Variants in HSD17B7 observed in about 807,000 individuals in gnomAD.
The protein encoded by HSD17B7 is hydroxysteroid 17-beta dehydrogenase 7, also known as 3-keto-steroid reductase/17-beta-hydroxysteroid dehydrogenase 7.
Under a neutral mutation model 34.1 loss-of-function variants are expected in HSD17B7, and 17 were observed. That is an observed-to-expected ratio of 0.50 (90% CI 0.34 to 0.75). HSD17B7 has a LOEUF of 0.75. Ranked by LOEUF, HSD17B7 falls within the 30% of genes least tolerant of loss-of-function variation. The probability of loss-of-function intolerance (pLI) is 0.01; values close to 1 mark genes in which losing one functional copy is unlikely to be tolerated. For missense variants in HSD17B7, 296 were observed against 406.6 expected, an observed-to-expected ratio of 0.73 and a Z score of 2.34; for synonymous variants, 122 against 154.6, an observed-to-expected ratio of 0.79 and a Z score of 1.56.
At chr1:162,810,817 C>A (rs1316535601) in intron 8 of HSD17B7, among the ~76,000 whole-genome samples, 6 of 152,144 alleles carry the variant, frequency 3.9e-5, no homozygotes, top group Non-Finnish European at 8.8e-5. Context: ...TTCCCTCCAT[C>A]CCTTTATTTT....
At chr1:162,801,681 G>A (rs528247937) in intron 5 of HSD17B7, among the ~76,000 whole-genome samples, 1 of 152,222 alleles carries the variant, frequency 6.6e-6, no homozygotes, top group South Asian at 2.1e-4. Flanking sequence ...CAGTGCATGT[G>A]GGCTGCACAT....
chr1:162,795,968 C>T (rs1570998647), intron 2 of HSD17B7, among the ~76,000 whole-genome samples: 1 of 152,132 alleles, frequency 6.6e-6, no homozygotes, highest in South Asian at 2.1e-4. Context: ...AACAAGATTA[C>T]CTTACCCCCA....
In HSD17B7 at chr1:162,804,294, T is replaced by C; in HGVS notation, c.775T>C (p.Leu259=). 6.2e-7 allele frequency: 1 copy of C among 1,609,344 alleles called. No homozygotes were observed. Among genetic ancestry groups the C allele is most frequent in the East Asian group, 2.2e-5 (1 of 44,838 alleles). ...LLRFFANAFT[L]TPYNGTEALV... ...TCGCTTTTTTGCAAATGCATTCACT[T>C]TGACACCATATAATGGAACAGAAGC... Residue 259 remains leucine, a synonymous_variant, in exon 7 of 9, where the codon TTG becomes CTG. Coordinates refer to ENST00000254521, the MANE Select transcript of HSD17B7 (RefSeq NM_016371.4).
At chr1:162,792,609 C>G in intron 1 of HSD17B7, 50 bp from the exon 2 acceptor site, 1 of 1,578,124 alleles carries the variant, frequency 6.3e-7, no homozygotes, top group South Asian at 1.2e-5. Flanking sequence ...ATGCCTGTAC[C>G]TGATGCCATC....
chr1:162,792,878 A>C lies in HSD17B7; in HGVS notation c.239+16A>C, dbSNP rs1192652507. 2.5e-6 allele frequency: 4 copies of C among 1,613,132 alleles called. No individual in the cohort carries two copies. The highest frequency in any genetic ancestry group is 3.4e-6 in the Non-Finnish European group (4 of 1,179,106). On this transcript the variant is annotated intron_variant, in intron 2 of 8. Coordinates refer to ENST00000254521, the MANE Select transcript of HSD17B7 (RefSeq NM_016371.4). ...TTAAGCAAAGGTATATCTCTTGCTG[A>C]TGGATTTTTTTTCTCATGTGATTGT... is the stretch of plus-strand genomic sequence containing the variant.
intron 8 of HSD17B7, among the ~76,000 whole-genome samples, chr1:162,811,685 C>A (rs1159406300): frequency 6.6e-6 from 1 of 152,248 alleles, no homozygotes; most frequent in African/African-American, 2.4e-5. Flanking sequence ...AAGTTCCTTG[C>A]AATCACCACC....
chr1:162,804,945 G>A (rs1387619070), intron 7 of HSD17B7, among the ~76,000 whole-genome samples: 1 of 152,192 alleles, frequency 6.6e-6, no homozygotes, highest in Non-Finnish European at 1.5e-5. Flanking sequence ...TAACGGTTCA[G>A]AATTGTCCTA....
intron 8 of HSD17B7, among the ~76,000 whole-genome samples, chr1:162,810,545 T>TG (rs1649141285): frequency 6.6e-6 from 1 of 152,156 alleles, no homozygotes; most frequent in South Asian, 2.1e-4. Flanking sequence ...ATGTGGACAG[T>TG]GGGGTGTTAA....
At position 162,805,909 on chromosome 1, in the gene HSD17B7, A is replaced by G. The variant is rs188540576; in HGVS notation, c.903+417A>G. Among the ~76,000 whole-genome samples the G allele has an allele frequency of 6.6e-5, 10 of 152,288 alleles. No individual in the cohort carries two copies. The East Asian group carries it at 1.7e-3, about 26-fold the overall frequency. ...CATTTCCTAGCAGGCTGCCTTACAC[A>G]TGGTAGACGCTCAGTAAATACGTTG... On this transcript the variant is annotated intron_variant, in intron 8 of 8. Coordinates refer to ENST00000254521, the MANE Select transcript of HSD17B7 (RefSeq NM_016371.4).
chr1:162,799,785 T>C lies in HSD17B7; in HGVS notation c.490T>C (p.Ser164Pro). 1 of 1,613,928 alleles carries C rather than the reference T, an allele frequency of 6.2e-7. No individual in the cohort carries two copies. Among genetic ancestry groups the C allele is most frequent in the Non-Finnish European group, 8.5e-7 (1 of 1,179,862 alleles). The change falls in exon 5 of 9, where the codon TCT becomes CCT. Residue 164 changes from serine (S) to proline (P), a missense_variant. Transcript: ENST00000254521. ...EPLLCHSDNP[S>P]QLIWTSSRSA... ...TCTCCTCTGTCACAGTGACAATCCA[T>C]CTCAGCTCATCTGGACATCATCTCG...
rs1459392474 is a variant in HSD17B7, at chr1:162,812,675, CA to C, written c.*259del. The stretch of plus-strand genomic sequence containing the variant: ...CCTGGGTGACAGCGAGACCCTGTCT[CA>C]AAATATGTATATATTTAATATATAT... On this transcript the variant is annotated 3_prime_UTR_variant, in exon 9 of 9. Coordinates refer to ENST00000254521, the MANE Select transcript of HSD17B7 (RefSeq NM_016371.4). 4.1e-6 allele frequency: 1 copy of C among 246,562 alleles called. No individual in the cohort carries two copies. The highest frequency in any genetic ancestry group is 7.8e-6 in the Non-Finnish European group (1 of 128,004). The allele number at this position is 246,562 out of a possible 1,614,324, so 15.3% of individuals were successfully genotyped here.
rs1648683236 is a variant in HSD17B7 at position 162,798,172 on chromosome 1, G to T, written c.447+256G>T. On this transcript the variant is annotated intron_variant, in intron 4 of 8. Transcript: ENST00000254521. ...TGCAAAGATAGTACAGAGACTTTCT[G>T]TATGCCCTACACCCAGTTTCCCCAT... is the stretch of plus-strand genomic sequence containing the variant. 8.8e-6 allele frequency: 5 copies of T among 566,602 alleles called. No individual in the cohort carries two copies. In the South Asian group the frequency reaches 1.6e-4, roughly 18 times the overall value. 35.1% of individuals were successfully genotyped at this position (566,602 alleles called of 1,614,324 possible).
intron 1 of HSD17B7, among the ~76,000 whole-genome samples, chr1:162,791,921 T>C (rs1320893414): frequency 1.3e-5 from 2 of 152,228 alleles, no homozygotes; most frequent in African/African-American, 2.4e-5. Context: ...AGAGAACTTA[T>C]TACCCAGCTT....
chr1:162,800,050 A>G (rs1648755166), intron 5 of HSD17B7, 113 bp downstream of exon 5: 19 of 887,902 alleles, frequency 2.1e-5, no homozygotes, highest in African/African-American at 3.3e-5. Flanking sequence ...GTTTAGATTG[A>G]TATTTGGTGT....
chr1:162,798,101 T>A, intron 4 of HSD17B7, 185 bp downstream of exon 4: 2 of 1,082,178 alleles, frequency 1.8e-6, no homozygotes, highest in Admixed American at 6.8e-5. Context: ...TCCTAGTAGA[T>A]TTTTCTTTAA....
intron 8 of HSD17B7, among the ~76,000 whole-genome samples, chr1:162,807,365 G>A (rs1649021013): frequency 6.6e-6 from 1 of 152,156 alleles, no homozygotes; most frequent in Non-Finnish European, 1.5e-5. Context: ...TCTTAATCCA[G>A]TCTATCATTG....
intron 8 of HSD17B7, among the ~76,000 whole-genome samples, chr1:162,810,016 T>G (rs1649123526): frequency 6.6e-6 from 1 of 152,180 alleles, no homozygotes; most frequent in Admixed American, 6.5e-5. Flanking sequence ...TGCTTTTGCT[T>G]CTCTAGTTCT....
intron 7 of HSD17B7, 59 bp from the exon 8 acceptor site, chr1:162,805,335 A>G: frequency 1.3e-6 from 2 of 1,593,380 alleles, no homozygotes; most frequent in Non-Finnish European, 1.7e-6. Flanking sequence ...GTGAATCTCC[A>G]CCAGCCTCAC....
rs772991812 is a variant in HSD17B7 at position 162,797,888 on chromosome 1, A to C, written c.419A>C (p.Glu140Ala). The C allele has an allele frequency of 3.7e-5, 59 of 1,613,842 alleles. No homozygotes were observed. The East Asian group carries it at 4.2e-4, about 12-fold the overall frequency. The change falls in exon 4 of 9, where the codon GAG (glutamate) becomes GCG (alanine). Residue 140 changes from glutamate to alanine, a missense_variant. By Grantham distance (107) the Glu-to-Ala change is moderately radical. Coordinates refer to ENST00000254521, the MANE Select transcript of HSD17B7 (RefSeq NM_016371.4). ...GCTGATGGACTTCAGGAGGTGTTTG[A>C]GACCAATGTCTTTGGCCATTTTATC... ...ITADGLQEVF[E>A]TNVFGHFILI...
Sources: gnomAD v4.1 joint callset for allele counts (sites outside exome capture counted in the v4.1 genomes callset) on GRCh38, gnomAD v4.1.1 for gene constraint, MANE v1.5 for transcripts, NCBI Gene and HGNC (gene_info 2026-07-23, HGNC 2026-07-21) for gene names.